The following TMEM131 variants were observed in gnomAD, a reference collection of about 807,000 sequenced individuals.
TMEM131 encodes transmembrane protein 131, also known as 2610524E03Rik.
Under a neutral mutation model 211.6 loss-of-function variants are expected in TMEM131, and 66 were observed. The observed-to-expected ratio is 0.31, with a 90% CI of 0.26 to 0.38. The LOEUF is 0.38. Ranked by LOEUF, TMEM131 falls within the 10% of genes least tolerant of loss-of-function variation. The pLI is 1.00. For missense variants in TMEM131, 2,036 were observed against 2,299.3 expected (o/e 0.89, Z 2.34); for synonymous variants, 844 against 841.3 (o/e 1.00, Z -0.06).
intron 11 of TMEM131, among the ~76,000 whole-genome samples, chr2:97,831,906 A>C (rs546933336): frequency 6.8e-6 from 1 of 147,888 alleles, no homozygotes; most frequent in Admixed American, 6.9e-5. Flanking sequence ...ACTTCAAGTG[A>C]TCCACCAGCC....
rs1203531476 is a variant in TMEM131, at chr2:97,864,203, T to C, written c.360-4776A>G. ...CAATTGAACTCATGGAGATAGAGAG[T>C]AGGAGGATGGTTACCAGAGGCTGGG... On this transcript the variant is annotated intron_variant, in intron 4 of 40. Transcript: ENST00000186436. Among the ~76,000 whole-genome samples the C allele has an allele frequency of 2.6e-5, 4 of 151,566 alleles. No individual in the cohort carries two copies. In the East Asian group the frequency reaches 5.8e-4, roughly 22 times the overall value.
At chr2:97,989,494 A>T (rs1391232888) in intron 1 of TMEM131, among the ~76,000 whole-genome samples, 1 of 151,084 alleles carries the variant, frequency 6.6e-6, no homozygotes, top group Non-Finnish European at 1.5e-5. Flanking sequence ...GAAGTTGTTT[A>T]ATGGGTATAG....
intron 2 of TMEM131, among the ~76,000 whole-genome samples, chr2:97,921,180 C>G (rs1230933468): frequency 6.6e-6 from 1 of 152,026 alleles, no homozygotes; most frequent in East Asian, 1.9e-4. Context: ...CAAAGAAATC[C>G]AATACAGTGC....
chr2:97,903,634 T>A (rs1675948385), intron 3 of TMEM131, among the ~76,000 whole-genome samples: 1 of 152,128 alleles, frequency 6.6e-6, no homozygotes, highest in East Asian at 1.9e-4. Flanking sequence ...AAAATGCAAA[T>A]TCTGAATCAA....
intron 1 of TMEM131, among the ~76,000 whole-genome samples, chr2:97,940,955 C>G (rs1055445899): frequency 1.3e-5 from 2 of 152,088 alleles, no homozygotes; most frequent in African/African-American, 4.8e-5. Flanking sequence ...ACTTTCTTCA[C>G]AGGATTGGAA....
chr2:97,887,100 A>G (rs1272678811), intron 4 of TMEM131, among the ~76,000 whole-genome samples: 1 of 152,008 alleles, frequency 6.6e-6, no homozygotes. Flanking sequence ...GTGCAGACAC[A>G]TGGGTGTTTA....
intron 12 of TMEM131, 82 bp from the exon 13 acceptor site, chr2:97,815,389 T>TAA: frequency 2.3e-6 from 2 of 870,822 alleles, no homozygotes; most frequent in Non-Finnish European, 3.3e-6. Flanking sequence ...TGACAAAATC[T>TAA]TAAAAAAAAA....
chr2:97,763,713 G>C (rs970644772), intron 35 of TMEM131: 1 of 152,474 alleles, frequency 6.6e-6, no homozygotes, highest in Admixed American at 6.5e-5. Context: ...CTTGGAGCAG[G>C]CTGTGCTCCG....
At chr2:97,929,494 T>C (rs1677129493) in intron 1 of TMEM131, among the ~76,000 whole-genome samples, 1 of 151,798 alleles carries the variant, frequency 6.6e-6, no homozygotes. Context: ...CCCACATATG[T>C]ACCTGGCTGT....
intron 1 of TMEM131, among the ~76,000 whole-genome samples, chr2:97,944,839 A>G (rs1290972882): frequency 6.6e-6 from 1 of 152,248 alleles, no homozygotes; most frequent in Admixed American, 6.5e-5. Context: ...GGAGACATCG[A>G]AAACGCCTAA....
intron 1 of TMEM131, among the ~76,000 whole-genome samples, chr2:97,991,042 A>G (rs1680241182): frequency 6.6e-6 from 1 of 152,250 alleles, no homozygotes; most frequent in African/African-American, 2.4e-5. Context: ...TTTACTAGAT[A>G]CATAAACTAT....
chr2:97,937,978 G>A (rs935264424), intron 1 of TMEM131, among the ~76,000 whole-genome samples: 2 of 152,134 alleles, frequency 1.3e-5, no homozygotes, highest in Admixed American at 6.6e-5. Context: ...AACAAATACT[G>A]AGAGATTCTG....
intron 1 of TMEM131, among the ~76,000 whole-genome samples, chr2:97,932,645 T>C (rs899251297): frequency 1.3e-5 from 2 of 152,200 alleles, no homozygotes; most frequent in Admixed American, 6.5e-5. Flanking sequence ...ATCTAAGTCA[T>C]CTAAAAAGAT....
At position 97,762,085 on chromosome 2, in the gene TMEM131, G is replaced by A; in HGVS notation, c.4839C>T (p.Pro1613=). Residue 1613 remains proline, a synonymous_variant, in exon 36 of 41, where the codon CCC becomes CCT. Transcript: ENST00000186436. ...TGCTGTAGCTGCCCCGGGCCACAAAGGGGCAGGGGGCAGCTGGGGGAGACG... is the reference window on the plus strand; with the variant it reads ...TGCTGTAGCTGCCCCGGGCCACAAAAGGGCAGGGGGCAGCTGGGGGAGACG... ...ASPSPPAAPC[P]FVARGSYSSI... The A allele has an allele frequency of 6.2e-7, 1 of 1,606,484 alleles. No homozygotes were observed. Among genetic ancestry groups the A allele is most frequent in the Non-Finnish European group, 8.5e-7 (1 of 1,177,258 alleles).
rs1376826275 is a variant in TMEM131, at chr2:97,908,006, A to C, written c.290+652T>G. 2.0e-5 allele frequency among the ~76,000 whole-genome samples: 3 copies of C among 152,172 alleles called. No homozygotes were observed. In the East Asian group the frequency reaches 5.8e-4, roughly 29 times the overall value. The stretch of plus-strand genomic sequence containing the variant: ...AGCTGCTGGAGGGACTGTTTTATCC[A>C]ACTCAAAGAAAGCTCTCTCTCACCT... On this transcript the variant is annotated intron_variant, in intron 3 of 40. Coordinates refer to ENST00000186436, the MANE Select transcript of TMEM131 (RefSeq NM_015348.2).
At chr2:97,850,821 T>A (rs1215437645) in intron 5 of TMEM131, among the ~76,000 whole-genome samples, 1 of 152,206 alleles carries the variant, frequency 6.6e-6, no homozygotes, top group Non-Finnish European at 1.5e-5. Flanking sequence ...CTATGTTTAT[T>A]ACTGAAAATG....
chr2:97,761,839 G>A (rs1278505666), intron 36 of TMEM131, 196 bp downstream of exon 36: 3 of 551,280 alleles, frequency 5.4e-6, no homozygotes, highest in South Asian at 2.7e-5. Flanking sequence ...AATGGGAACC[G>A]GGTTACTGTT....
intron 1 of TMEM131, among the ~76,000 whole-genome samples, chr2:97,979,443 G>A (rs982672926): frequency 7.2e-5 from 11 of 152,170 alleles, no homozygotes; most frequent in Admixed American, 2.0e-4. Context: ...GTTGTTTAGC[G>A]TGGCCACGTT....
chr2:97,934,490 A>C (rs994392425), intron 1 of TMEM131, among the ~76,000 whole-genome samples: 8 of 152,212 alleles, frequency 5.3e-5, no homozygotes, highest in Non-Finnish European at 1.5e-5. Context: ...TAAAAATCCC[A>C]GGATAATTTT....
Sources: allele counts gnomAD v4.1 joint callset (sites outside exome capture counted in the v4.1 genomes callset), GRCh38; gene constraint gnomAD v4.1.1; transcripts MANE v1.5; gene names NCBI Gene and HGNC (gene_info 2026-07-23, HGNC 2026-07-21).